GRIK2: variants seen among roughly 807,000 people sequenced by gnomAD.
The protein encoded by GRIK2 is glutamate receptor ionotropic, kainate 2.
In GRIK2, 32 loss-of-function variants were observed where a neutral mutation model predicts 100.3. The observed-to-expected ratio is 0.32, with a 90% CI of 0.24 to 0.43. The LOEUF is 0.43. Ranked by LOEUF, GRIK2 falls within the 20% of genes least tolerant of loss-of-function variation. The probability of loss-of-function intolerance (pLI) is 1.00; values close to 1 mark genes in which losing one functional copy is unlikely to be tolerated. For synonymous variants in GRIK2, 417 were observed against 389.4 expected, an observed-to-expected ratio of 1.07 and a Z score of -0.83; for missense variants, 843 against 1,114.9, an observed-to-expected ratio of 0.76 and a Z score of 3.47.
At chr6:101,520,528 G>A (rs1234821074) in intron 2 of GRIK2, among the ~76,000 whole-genome samples, 1 of 151,894 alleles carries the variant, frequency 6.6e-6, no homozygotes, top group Non-Finnish European at 1.5e-5. Flanking sequence ...AGACATATAA[G>A]GAATAGAGAA....
At chr6:101,427,570 A>G (rs1405112570) in intron 2 of GRIK2, among the ~76,000 whole-genome samples, 2 of 152,200 alleles carry the variant, frequency 1.3e-5, no homozygotes, top group Non-Finnish European at 1.5e-5. Flanking sequence ...AGCTGGCACA[A>G]TTCAGTACTT....
chr6:101,420,867 T>C (rs1176857697), intron 2 of GRIK2, among the ~76,000 whole-genome samples: 1 of 152,188 alleles, frequency 6.6e-6, no homozygotes, highest in Admixed American at 6.5e-5. Context: ...ATGAAATGTT[T>C]AGAGGCACAA....
intron 2 of GRIK2, among the ~76,000 whole-genome samples, chr6:101,591,589 G>C (rs1778641751): frequency 6.6e-6 from 1 of 151,758 alleles, no homozygotes; most frequent in Admixed American, 6.6e-5. Flanking sequence ...TTTTAAGACT[G>C]ATTTTGATAA....
chr6:102,033,821 C>CTGTT (rs1338893446), intron 14 of GRIK2, among the ~76,000 whole-genome samples: 2 of 151,270 alleles, frequency 1.3e-5, no homozygotes, highest in Non-Finnish European at 1.5e-5. Context: ...CACCAATTAA[C>CTGTT]TGTTAGTATT....
chr6:101,446,414 C>T (rs149287885), intron 2 of GRIK2, among the ~76,000 whole-genome samples: 43 of 151,842 alleles, frequency 2.8e-4, no homozygotes, highest in African/African-American at 8.0e-4. Context: ...CTTATTACGA[C>T]GATAATAAAA....
chr6:101,999,529 A>G (rs928883790), intron 14 of GRIK2, among the ~76,000 whole-genome samples: 3 of 152,064 alleles, frequency 2.0e-5, no homozygotes, highest in South Asian at 2.1e-4. Context: ...TAGAAACACA[A>G]TTGATTGTTA....
chr6:102,036,059 A>AT (rs1770252593), intron 15 of GRIK2, among the ~76,000 whole-genome samples: 1 of 151,536 alleles, frequency 6.6e-6, no homozygotes, highest in East Asian at 2.0e-4. Flanking sequence ...TATCTAGAAT[A>AT]TTTAACACTA....
intron 2 of GRIK2, among the ~76,000 whole-genome samples, chr6:101,473,408 A>T (rs1007823117): frequency 6.6e-6 from 1 of 151,782 alleles, no homozygotes; most frequent in African/African-American, 2.4e-5. Context: ...TGGATTTTGT[A>T]AACAATTAGA....
chr6:101,934,232 C>T (rs146482369), intron 14 of GRIK2, among the ~76,000 whole-genome samples: 26 of 151,822 alleles, frequency 1.7e-4, no homozygotes, highest in Non-Finnish European at 5.9e-5. Context: ...CCAAAGATAT[C>T]GTCACATAAA....
rs536788506 is a variant in GRIK2 at position 101,824,861 on chromosome 6, C to A, written c.1317+6378C>A. 1.1e-3 allele frequency among the ~76,000 whole-genome samples: 161 copies of A among 152,252 alleles called. 2 individuals are homozygous for A. In the East Asian group the frequency reaches 0.021, roughly 20 times the overall value. On this transcript the variant is annotated intron_variant, in intron 10 of 16. Transcript: ENST00000369134. ...ACAGCCCACAGATACGGAAGGCTTA[C>A]TGGGAAGCAAATTTCCAATGACAAT...
chr6:101,503,703 G>T (rs949335310), intron 2 of GRIK2, among the ~76,000 whole-genome samples: 4 of 152,074 alleles, frequency 2.6e-5, no homozygotes, highest in Non-Finnish European at 5.9e-5. Context: ...GAGTGTTTCT[G>T]TCTTCTCTTT....
intron 2 of GRIK2, among the ~76,000 whole-genome samples, chr6:101,494,856 A>G (rs1432106912): frequency 1.3e-5 from 2 of 151,206 alleles, no homozygotes; most frequent in African/African-American, 4.9e-5. Flanking sequence ...TCCTCTTGAG[A>G]CTGGGAGGTG....
intron 2 of GRIK2, among the ~76,000 whole-genome samples, chr6:101,574,497 TA>T (rs1199092609): frequency 1.3e-5 from 2 of 151,254 alleles, no homozygotes; most frequent in African/African-American, 4.8e-5. Context: ...AACAAACATG[TA>T]AATGAAGAGT....
intron 16 of GRIK2, among the ~76,000 whole-genome samples, chr6:102,064,723 ACT>A (rs938541918): frequency 2.0e-5 from 3 of 151,092 alleles, no homozygotes; most frequent in African/African-American, 4.8e-5. Context: ...ATTTCACAAA[ACT>A]CTGTATAGTT....
intron 4 of GRIK2, among the ~76,000 whole-genome samples, chr6:101,641,840 T>G (rs1781289047): frequency 6.6e-6 from 1 of 152,014 alleles, no homozygotes; most frequent in Admixed American, 6.6e-5. Flanking sequence ...AATAGAATGG[T>G]TTTCTCTGCC....
At position 101,928,622 on chromosome 6, in the gene GRIK2, C is replaced by CT; in HGVS notation, c.2081dup (p.Lys695GlnfsTer9). 2 of 1,560,894 alleles carry CT rather than the reference C, an allele frequency of 1.3e-6. No individual in the cohort carries two copies. The highest frequency in any genetic ancestry group is 8.8e-7 in the Non-Finnish European group (1 of 1,131,904). On this transcript the variant is annotated frameshift_variant, in exon 14 of 17. Coordinates refer to ENST00000369134, the MANE Select transcript of GRIK2 (RefSeq NM_021956.5). LOFTEE classifies it high-confidence loss of function. ...GCAGTAGAGGATGGTGCAACCATGA[C>CT]TTTTTTCAAGGTAAGTTCTGCTGGT...
At chr6:101,577,129 G>C (rs1777825438) in intron 2 of GRIK2, among the ~76,000 whole-genome samples, 1 of 150,480 alleles carries the variant, frequency 6.6e-6, no homozygotes, top group African/African-American at 2.5e-5. Flanking sequence ...TGCTTTCTTT[G>C]ATATCTGGGT....
intron 7 of GRIK2, among the ~76,000 whole-genome samples, chr6:101,783,231 A>C (rs1048451510): frequency 6.6e-6 from 1 of 152,058 alleles, no homozygotes; most frequent in Admixed American, 6.6e-5. Context: ...GATCATGGGG[A>C]TGGTTTCACC....
chr6:101,687,609 G>A (rs1771789100), intron 7 of GRIK2, among the ~76,000 whole-genome samples: 1 of 151,798 alleles, frequency 6.6e-6, no homozygotes. Flanking sequence ...TGCCTTCATA[G>A]AGACTATGAA....
Sources: allele counts gnomAD v4.1 joint callset (sites outside exome capture counted in the v4.1 genomes callset), GRCh38; gene constraint gnomAD v4.1.1; transcripts MANE v1.5; gene names NCBI Gene and HGNC (gene_info 2026-07-23, HGNC 2026-07-21).